MYT1L: variants seen among roughly 807,000 people sequenced by gnomAD.
MYT1L encodes myelin transcription factor 1 like.
In MYT1L, 12 loss-of-function variants were observed where a neutral mutation model predicts 126.7. The ratio of observed to expected loss-of-function variants is 0.09; its 90% CI spans 0.06 to 0.15. The LOEUF is 0.15. Ranked by LOEUF, MYT1L falls within the 10% of genes least tolerant of loss-of-function variation. The pLI is 1.00. For missense variants in MYT1L, 979 were observed against 1,585.2 expected, an observed-to-expected ratio of 0.62 and a Z score of 6.49; for synonymous variants, 541 against 604.2, an observed-to-expected ratio of 0.90 and a Z score of 1.53.
rs2053668880 is a variant in MYT1L at position 1,922,354 on chromosome 2, T to C, written c.1415A>G (p.Gln472Arg). 6.2e-7 allele frequency: 1 copy of C among 1,614,026 alleles called. No individual in the cohort carries two copies. ...AGGCTTTCTGTCCTCCCCGGGAAGTTGTCTCGGAGACTGGTCCTCATATGA... is the reference window on the plus strand; with the variant it reads ...AGGCTTTCTGTCCTCCCCGGGAAGTCGTCTCGGAGACTGGTCCTCATATGA... ...MRSYEDQSPR[Q>R]LPGEDRKPKS... is the part of the protein sequence containing the mutation. The change falls in exon 10 of 25, where the codon CAA (glutamine) becomes CGA (arginine). Residue 472 changes from glutamine to arginine, a missense_variant. Gln to Arg is a conservative substitution (Grantham distance 43, BLOSUM62 1). Transcript: ENST00000647738. The surrounding 1 kb of genome is among the most constrained non-coding windows in gnomAD (Gnocchi z 7.4).
rs372440974 is a variant in MYT1L at position 1,956,404 on chromosome 2, G to GTCTATCTATCTATCTATCTA, written c.153-13090_153-13071dup. The stretch of plus-strand genomic sequence containing the variant: ...TATTTCCTATTCTTTCTATCTGTCT[G>GTCTATCTATCTATCTATCTA]TCTATCTATCTATCTATCTATCTAT... On this transcript the variant is annotated intron_variant, in intron 8 of 24. Coordinates refer to ENST00000647738, the MANE Select transcript of MYT1L (RefSeq NM_001303052.2). Among the ~76,000 whole-genome samples, 22 of 81,698 alleles carry GTCTATCTATCTATCTATCTA rather than the reference G, an allele frequency of 2.7e-4. 1 individual carries two copies. The highest frequency in any genetic ancestry group is 4.3e-4 in the East Asian group (1 of 2,330). The allele number at this position is 81,698 out of a possible 152,430, so 53.6% of individuals were successfully genotyped here.
At chr2:2,186,240 A>T (rs34154244) in intron 2 of MYT1L, among the ~76,000 whole-genome samples, 5,366 of 131,686 alleles carry the variant, frequency 0.041, 136 homozygotes, top group Middle Eastern at 0.089. Flanking sequence ...CGTGAGGGGG[A>T]CGCAGCCAGG....
chr2:2,268,377 A>T (rs2095184628), intron 2 of MYT1L, among the ~76,000 whole-genome samples: 1 of 152,208 alleles, frequency 6.6e-6, no homozygotes, highest in African/African-American at 2.4e-5. Context: ...AGAGTGGAAA[A>T]GAGAGAAGAC....
intron 5 of MYT1L, among the ~76,000 whole-genome samples, chr2:1,983,230 G>T (rs1422167724): frequency 6.6e-6 from 1 of 152,126 alleles, no homozygotes; most frequent in East Asian, 1.9e-4. Flanking sequence ...TCTACAGTGT[G>T]TTTTCCTCTG....
chr2:1,923,600 T>C (rs2053847400), intron 9 of MYT1L, among the ~76,000 whole-genome samples: 1 of 152,272 alleles, frequency 6.6e-6, no homozygotes, highest in Non-Finnish European at 1.5e-5. Context: ...TCCATTGGCT[T>C]GCTTTATCTA....
intron 2 of MYT1L, among the ~76,000 whole-genome samples, chr2:2,271,409 G>A (rs1359878890): frequency 6.6e-6 from 1 of 152,144 alleles, no homozygotes; most frequent in African/African-American, 2.4e-5. Context: ...ATAAAGGATG[G>A]CTTAAAAAGC....
At chr2:1,826,433 C>T (rs932748766) in intron 21 of MYT1L, among the ~76,000 whole-genome samples, 4 of 152,082 alleles carry the variant, frequency 2.6e-5, no homozygotes, top group African/African-American at 7.2e-5. Context: ...AGCAGGGTCG[C>T]GCTCCACCCT....
At chr2:1,804,501 G>C (rs2147940593) in intron 22 of MYT1L, among the ~76,000 whole-genome samples, 1 of 152,310 alleles carries the variant, frequency 6.6e-6, no homozygotes, top group East Asian at 1.9e-4. Flanking sequence ...AAACTGGCCT[G>C]AGCAGGGAGG....
intron 21 of MYT1L, among the ~76,000 whole-genome samples, chr2:1,834,570 C>T (rs186775165): frequency 2.6e-4 from 40 of 152,264 alleles, no homozygotes; most frequent in South Asian, 1.0e-3. Context: ...TGAAATAGGA[C>T]GGTCACAAAA....
In MYT1L at chr2:1,962,491, T is replaced by C. The variant is rs535087639; in HGVS notation, c.152+16674A>G. Among the ~76,000 whole-genome samples the C allele has an allele frequency of 3.9e-5, 6 of 152,332 alleles. No homozygotes were observed. In the East Asian group the frequency reaches 9.6e-4, roughly 24 times the overall value. On this transcript the variant is annotated intron_variant, in intron 8 of 24. Coordinates refer to ENST00000647738, the MANE Select transcript of MYT1L (RefSeq NM_001303052.2). ...GGCTGCTGACTGATCTGAGTGGTGG[T>C]TGCTGAAGCCTGGGGTGGCTGTGGA...
rs545175880 is a variant in MYT1L, at chr2:2,192,013, A to G, written c.-420-19025T>C. Among the ~76,000 whole-genome samples, 14 of 152,362 alleles carry G rather than the reference A, an allele frequency of 9.2e-5. No individual in the cohort carries two copies. The East Asian group carries it at 1.2e-3, about 13-fold the overall frequency. On this transcript the variant is annotated intron_variant, in intron 2 of 24. Coordinates refer to ENST00000647738, the MANE Select transcript of MYT1L (RefSeq NM_001303052.2). ...CTTGTCTGGAGGAAAGTAAGAGCCA[A>G]TTAGTCCTACTGGAACCTGGCAGAA...
chr2:1,933,207 G>C (rs1269037239), intron 9 of MYT1L, among the ~76,000 whole-genome samples: 1 of 151,906 alleles, frequency 6.6e-6, no homozygotes, highest in African/African-American at 2.4e-5. Flanking sequence ...CGAGATGACA[G>C]GGCCCTTCTG....
At chr2:1,844,974 T>G (rs2042299583) in intron 19 of MYT1L, among the ~76,000 whole-genome samples, 1 of 136,868 alleles carries the variant, frequency 7.3e-6, no homozygotes, top group South Asian at 2.2e-4. Context: ...TGGATCCATC[T>G]TCCTTTTTTT....
Position 1,902,645 on chromosome 2 carries a change from A to G in MYT1L, c.2032+435T>C, listed in dbSNP as rs533215861. 1.7e-4 allele frequency: 29 copies of G among 168,320 alleles called. 1 individual carries two copies. The South Asian group carries it at 1.8e-3, about 11-fold the overall frequency. 10.4% of individuals were successfully genotyped at this position (168,320 alleles called of 1,614,324 possible). On this transcript the variant is annotated intron_variant, in intron 14 of 24. Coordinates refer to ENST00000647738, the MANE Select transcript of MYT1L (RefSeq NM_001303052.2). ...TTCTCATGTGCGTGCAAGGCTGAGA[A>G]CACCAAGGAGATGGGTGCAGAGCTC...
At chr2:1,975,161 A>G (rs1211453398) in intron 8 of MYT1L, among the ~76,000 whole-genome samples, 1 of 150,206 alleles carries the variant, frequency 6.7e-6, no homozygotes, top group African/African-American at 2.5e-5. Context: ...TAACTATACA[A>G]CAATCACACT....
At chr2:1,949,457 A>G (rs1044464752) in intron 8 of MYT1L, among the ~76,000 whole-genome samples, 9 of 151,508 alleles carry the variant, frequency 5.9e-5, no homozygotes, top group Admixed American at 5.9e-4. Flanking sequence ...TAGCTTTCAC[A>G]GTTCTTTTGT....
intron 21 of MYT1L, among the ~76,000 whole-genome samples, chr2:1,813,906 A>T (rs1216636764): frequency 3.3e-5 from 4 of 122,234 alleles, no homozygotes; most frequent in African/African-American, 1.2e-4. Flanking sequence ...GGGCGCCTGT[A>T]GTCCCAGCTA....
chr2:2,304,848 G>A (rs1277803615), intron 1 of MYT1L, among the ~76,000 whole-genome samples: 3 of 152,200 alleles, frequency 2.0e-5, no homozygotes, highest in African/African-American at 7.2e-5. Context: ...GAGCAGGCAT[G>A]GCATTAGGAA....
At chr2:1,986,107 T>C (rs2060998600) in intron 5 of MYT1L, among the ~76,000 whole-genome samples, 2 of 152,258 alleles carry the variant, frequency 1.3e-5, no homozygotes, top group South Asian at 4.1e-4. Context: ...GGTAGATGCC[T>C]GTAAATTTCA....
Sources: gnomAD v4.1 joint callset for allele counts (sites outside exome capture counted in the v4.1 genomes callset) on GRCh38, gnomAD v4.1.1 for gene constraint, Gnocchi (gnomAD v3.1) non-coding constraint, MANE v1.5 for transcripts, NCBI Gene and HGNC (gene_info 2026-07-23, HGNC 2026-07-21) for gene names.